Variants in CTSS observed in about 807,000 individuals in gnomAD.
CTSS encodes cathepsin S.
In CTSS, 15 loss-of-function variants were observed where a neutral mutation model predicts 39.9. The observed-to-expected ratio is 0.38, with a 90% CI of 0.25 to 0.58. The LOEUF is 0.58. Among genes scored for constraint, CTSS ranks in the 20% least tolerant of loss-of-function variants. CTSS has a pLI of 0.70. For synonymous variants in CTSS, 126 were observed against 138.2 expected (o/e 0.91, Z 0.62); for missense variants, 250 against 398.2 (o/e 0.63, Z 3.17).
chr1:150,764,332 G>A (rs975996234), intron 2 of CTSS, among the ~76,000 whole-genome samples: 3 of 152,026 alleles, frequency 2.0e-5, no homozygotes, highest in Non-Finnish European at 2.9e-5. Flanking sequence ...CCGCCTTCCC[G>A]GCTCAAGTGA....
chr1:150,737,926 T>G (rs1652668872), intron 7 of CTSS, among the ~76,000 whole-genome samples: 1 of 152,048 alleles, frequency 6.6e-6, no homozygotes, highest in Non-Finnish European at 1.5e-5. Flanking sequence ...AAGCATGATG[T>G]GTCAAGAAAT....
At chr1:150,738,224 G>A (rs1242534840) in intron 7 of CTSS, among the ~76,000 whole-genome samples, 1 of 152,180 alleles carries the variant, frequency 6.6e-6, no homozygotes, top group African/African-American at 2.4e-5. Flanking sequence ...GATGGATGGT[G>A]GCTTGAACTC....
chr1:150,746,814 C>T (rs1432587389), intron 7 of CTSS, among the ~76,000 whole-genome samples: 8 of 152,132 alleles, frequency 5.3e-5, no homozygotes, highest in Non-Finnish European at 1.2e-4. Flanking sequence ...TAGGAGGCAA[C>T]AAATGCCAGG....
intron 1 of CTSS, among the ~76,000 whole-genome samples, chr1:150,765,300 T>TA (rs1553194731): frequency 6.0e-5 from 9 of 149,532 alleles, no homozygotes; most frequent in East Asian, 2.0e-4. Flanking sequence ...TTTTTTTTTT[T>TA]AATGATCAGA....
At chr1:150,758,398 G>A (rs1003023104) in intron 2 of CTSS, among the ~76,000 whole-genome samples, 17 of 152,068 alleles carry the variant, frequency 1.1e-4, no homozygotes, top group African/African-American at 3.6e-4. Flanking sequence ...CTGCCCGAGA[G>A]CATGCAAATA....
intron 6 of CTSS, 178 bp from the exon 7 acceptor site, chr1:150,748,057 C>CAA (rs1652926635): frequency 2.0e-6 from 1 of 505,094 alleles, no homozygotes. Context: ...TTTGGGAGGC[C>CAA]AAGGCGGGCG....
At chr1:150,754,092 C>A (rs1001182348) in intron 4 of CTSS, among the ~76,000 whole-genome samples, 15 of 151,186 alleles carry the variant, frequency 9.9e-5, no homozygotes, top group Admixed American at 2.0e-4. Flanking sequence ...CGCATATAAC[C>A]TACACATCCT....
intron 7 of CTSS, among the ~76,000 whole-genome samples, chr1:150,735,686 T>C (rs587666611): frequency 6.6e-6 from 1 of 151,968 alleles, no homozygotes; most frequent in South Asian, 2.1e-4. Flanking sequence ...CCTCCTGTGC[T>C]CAAGCAATCC....
chr1:150,737,354 G>A (rs146116266), intron 7 of CTSS, among the ~76,000 whole-genome samples: 2 of 152,106 alleles, frequency 1.3e-5, no homozygotes, highest in East Asian at 3.9e-4. Context: ...CTCCCACCTC[G>A]GCCTCCCAAA....
At chr1:150,753,360 G>T (rs990916049) in intron 4 of CTSS, among the ~76,000 whole-genome samples, 1 of 152,138 alleles carries the variant, frequency 6.6e-6, no homozygotes, top group African/African-American at 2.4e-5. Context: ...ATTTTACAAG[G>T]CACATATTTC....
chr1:150,739,443 G>A (rs1652700822), intron 7 of CTSS, among the ~76,000 whole-genome samples: 1 of 152,090 alleles, frequency 6.6e-6, no homozygotes, highest in South Asian at 2.1e-4. Flanking sequence ...AGGTGCAGTG[G>A]CTCATGCCTG....
chr1:150,743,437 T>C (rs1652809736), intron 7 of CTSS, among the ~76,000 whole-genome samples: 1 of 148,898 alleles, frequency 6.7e-6, no homozygotes, highest in Admixed American at 6.9e-5. Context: ...TAAAAATACA[T>C]CTAGGCTGGG....
At chr1:150,764,457 C>T (rs781662727) in intron 2 of CTSS, among the ~76,000 whole-genome samples, 181 bp downstream of exon 2, 2 of 152,086 alleles carry the variant, frequency 1.3e-5, no homozygotes, top group Non-Finnish European at 2.9e-5. Context: ...AGGCTGGTCT[C>T]GAACTCCTGA....
chr1:150,743,690 T>C (rs1346086250), intron 7 of CTSS, among the ~76,000 whole-genome samples: 1 of 79,468 alleles, frequency 1.3e-5, no homozygotes, highest in Non-Finnish European at 2.4e-5. Context: ...TATATGTATA[T>C]TATGTATACA....
chr1:150,739,315 GGCTGAAA>G (rs1652697420), intron 7 of CTSS, among the ~76,000 whole-genome samples: 1 of 152,208 alleles, frequency 6.6e-6, no homozygotes, highest in Non-Finnish European at 1.5e-5. Flanking sequence ...AGCCAAGGTA[GGCTGAAA>G]GCTAGACTTC....
At chr1:150,743,520 TTTATAA>T (rs1652812794) in intron 7 of CTSS, among the ~76,000 whole-genome samples, 1 of 138,568 alleles carries the variant, frequency 7.2e-6, no homozygotes, top group African/African-American at 2.6e-5. Context: ...TATATATATA[TTTATAA>T]ATATATTTAT....
chr1:150,746,819 G>C (rs1314452023), intron 7 of CTSS, among the ~76,000 whole-genome samples: 5 of 152,166 alleles, frequency 3.3e-5, no homozygotes, highest in African/African-American at 1.2e-4. Context: ...GGCAACAAAT[G>C]CCAGGAGGTG....
intron 7 of CTSS, among the ~76,000 whole-genome samples, chr1:150,737,724 CAT>C (rs1341535828): frequency 1.3e-5 from 2 of 152,002 alleles, no homozygotes; most frequent in South Asian, 2.1e-4. Flanking sequence ...AGAGGAGAAA[CAT>C]ATGATAAACG....
chr1:150,749,371 G>C (rs1231434484), intron 6 of CTSS, among the ~76,000 whole-genome samples: 4 of 152,172 alleles, frequency 2.6e-5, no homozygotes, highest in Non-Finnish European at 5.9e-5. Context: ...TGCTGATACA[G>C]AGAAAATGTG....
Sources: allele counts gnomAD v4.1 joint callset (sites outside exome capture counted in the v4.1 genomes callset), GRCh38; gene constraint gnomAD v4.1.1; transcripts MANE v1.5; gene names NCBI Gene and HGNC (gene_info 2026-07-23, HGNC 2026-07-21).